SLC6A9: variants seen among roughly 807,000 people sequenced by gnomAD.
SLC6A9 encodes the protein solute carrier family 6 member 9, also known as sodium- and chloride-dependent glycine transporter 1.
In SLC6A9, 31 loss-of-function variants were observed where a neutral mutation model predicts 70.9. The observed-to-expected ratio is 0.44, with a 90% CI of 0.33 to 0.59. The LOEUF (loss-of-function observed/expected upper bound fraction) is 0.59, where lower values mean the gene tolerates loss of function less well. SLC6A9 is among the 20% of genes least tolerant of loss of function. The pLI, the probability that SLC6A9 is intolerant of heterozygous loss-of-function variation, is 0.04. For missense variants in SLC6A9, 631 were observed against 845.2 expected (o/e 0.75, Z 3.14); for synonymous variants, 310 against 341.3 (o/e 0.91, Z 1.01).
In SLC6A9 at chr1:44,018,597, AAATAATAAT is replaced by A. The variant is rs143546820; in HGVS notation, c.30+5642_30+5650del. ...CAGCAAGAGCAAAACTCTCTCTCTAAAATAATAATAATAATAATAATAATAATAATAATA... is the reference window on the plus strand; with the variant it reads ...CAGCAAGAGCAAAACTCTCTCTCTAAAATAATAATAATAATAATAATAATA... On this transcript the variant is annotated intron_variant, in intron 2 of 13. Coordinates refer to ENST00000372310, the MANE Select transcript of SLC6A9 (RefSeq NM_001024845.3). This position sits in a 1 kb window ranked among gnomAD's most constrained non-coding sequence, Gnocchi z 4.2. Among the ~76,000 whole-genome samples the A allele has an allele frequency of 0.015, 2,179 of 142,232 alleles. 21 individuals carry two copies. The highest frequency in any genetic ancestry group is 0.022 in the Non-Finnish European group (1,454 of 65,984). 93.3% of individuals were successfully genotyped at this position (142,232 alleles called of 152,430 possible).
intron 2 of SLC6A9, among the ~76,000 whole-genome samples, chr1:44,011,156 C>T (rs887755359): frequency 3.3e-5 from 5 of 152,196 alleles, no homozygotes; most frequent in Non-Finnish European, 7.4e-5. Context: ...ATCCGGGAGG[C>T]GGGACACTGA....
intron 4 of SLC6A9, among the ~76,000 whole-genome samples, chr1:44,009,745 G>A (rs1373920072): frequency 6.6e-6 from 1 of 152,222 alleles, no homozygotes; most frequent in Non-Finnish European, 1.5e-5. Context: ...GTGGCGCAAA[G>A]GAGTTTTGTG....
At position 44,002,816 on chromosome 1, in the gene SLC6A9, T is replaced by C. The variant is rs200265433; in HGVS notation, c.723+37A>G. 1.4e-4 allele frequency: 230 copies of C among 1,612,380 alleles called. No homozygotes were observed. The highest frequency in any genetic ancestry group is 1.9e-4 in the Non-Finnish European group (224 of 1,178,874). On this transcript the variant is annotated intron_variant, in intron 6 of 13. Coordinates refer to ENST00000372310, the MANE Select transcript of SLC6A9 (RefSeq NM_001024845.3). This position sits in a 1 kb window ranked among gnomAD's most constrained non-coding sequence, Gnocchi z 5.5. ...ACCCAGGTAGGGGGCAGGGTCTTTCTGGGTGGGCACAGACCCTGCTGGGGA... is the reference window on the plus strand; with the variant it reads ...ACCCAGGTAGGGGGCAGGGTCTTTCCGGGTGGGCACAGACCCTGCTGGGGA...
intron 1 of SLC6A9, among the ~76,000 whole-genome samples, chr1:44,029,483 T>C (rs568048753): frequency 6.6e-6 from 1 of 152,306 alleles, no homozygotes; most frequent in African/African-American, 2.4e-5. Context: ...CCGTTCCATG[T>C]TTTTTGAGCA....
At position 44,031,166 on chromosome 1, in the gene SLC6A9, TCACACACA is replaced by T. The variant is rs66939562; in HGVS notation, c.-86+132_-86+139del. On this transcript the variant is annotated intron_variant, in intron 1 of 13. Transcript: ENST00000372310. Reference sequence around the variant, plus strand: ...CACAGATGCCCGCATACATGCGCGATCACACACACACACACACACACACACACACACGC... The same window carrying T: ...CACAGATGCCCGCATACATGCGCGATCACACACACACACACACACACACGC... The T allele has an allele frequency of 4.8e-3, 716 of 148,158 alleles. 3 individuals carry two copies. The highest frequency in any genetic ancestry group is 0.014 in the Admixed American group (214 of 15,012). 9.2% of individuals were successfully genotyped at this position (148,158 alleles called of 1,614,324 possible).
chr1:44,000,910 C>A, intron 11 of SLC6A9, 43 bp from the exon 12 acceptor site: 4 of 1,593,864 alleles, frequency 2.5e-6, no homozygotes, highest in Admixed American at 1.7e-5. Flanking sequence ...ACAGAGTGGG[C>A]GGGCCAAGGG....
At position 44,002,838 on chromosome 1, in the gene SLC6A9, G is replaced by A; in HGVS notation, c.723+15C>T. On this transcript the variant is annotated intron_variant, in intron 6 of 13. Transcript: ENST00000372310. The surrounding 1 kb of genome is among the most constrained non-coding windows in gnomAD (Gnocchi z 5.5). ...TTCTGGGTGGGCACAGACCCTGCTG[G>A]GGAGGGGTACTTGCTTTCCCTGAAG... The A allele has an allele frequency of 6.2e-7, 1 of 1,613,908 alleles. No homozygotes were observed. The highest frequency in any genetic ancestry group is 8.5e-7 in the Non-Finnish European group (1 of 1,179,928).
chr1:44,011,142 C>A (rs1254445159), intron 2 of SLC6A9, among the ~76,000 whole-genome samples: 1 of 152,210 alleles, frequency 6.6e-6, no homozygotes, highest in African/African-American at 2.4e-5. Flanking sequence ...GAGCTGCTAC[C>A]AGCATCCGGG....
At chr1:44,027,714 G>A (rs750482312) in intron 1 of SLC6A9, among the ~76,000 whole-genome samples, 2 of 152,196 alleles carry the variant, frequency 1.3e-5, no homozygotes, top group Non-Finnish European at 2.9e-5. Flanking sequence ...GGTGGCTCAC[G>A]CCTGTAATCC....
At chr1:44,020,911 C>A (rs903616332) in intron 2 of SLC6A9, among the ~76,000 whole-genome samples, 1 of 152,214 alleles carries the variant, frequency 6.6e-6, no homozygotes, top group Non-Finnish European at 1.5e-5. Context: ...TGTTCCTGTT[C>A]ATTGTAAGGC....
chr1:44,009,814 C>T, intron 4 of SLC6A9, 151 bp downstream of exon 4: 1 of 905,858 alleles, frequency 1.1e-6, no homozygotes, highest in East Asian at 2.6e-5. Context: ...CAGCATGCAT[C>T]CATGGCTTAG....
Position 44,008,557 on chromosome 1 carries a change from A to C in SLC6A9, c.386T>G (p.Ile129Ser). The C allele has an allele frequency of 6.2e-7, 1 of 1,614,102 alleles. No individual in the cohort carries two copies. The highest frequency in any genetic ancestry group is 8.5e-7 in the Non-Finnish European group (1 of 1,180,000). Residue 129 changes from isoleucine (I) to serine (S), a missense_variant, in exon 5 of 14, where the codon ATC becomes AGC. Coordinates refer to ENST00000372310, the MANE Select transcript of SLC6A9 (RefSeq NM_001024845.3). ...GGACGAGAAGAAGTAGTAGAAGGCG[A>C]TGCAGATGACCACATTGTAGTAGAT... ...IGIYYNVVICIAFYYFFSSMT... is the reference protein window; with the variant it reads ...IGIYYNVVICSAFYYFFSSMT...
intron 3 of SLC6A9, 44 bp from the exon 4 acceptor site, chr1:44,010,140 G>T: frequency 1.9e-6 from 3 of 1,608,902 alleles, no homozygotes; most frequent in Non-Finnish European, 2.5e-6. Flanking sequence ...GGCTTGGAGG[G>T]ATCTCACCCT....
intron 1 of SLC6A9, among the ~76,000 whole-genome samples, chr1:44,030,243 G>A (rs2087076797): frequency 6.6e-6 from 1 of 152,198 alleles, no homozygotes; most frequent in East Asian, 1.9e-4. Context: ...GGAGAGAGAT[G>A]TGGGGGCACG....
chr1:44,010,188 G>A (rs546219658), intron 3 of SLC6A9, 92 bp from the exon 4 acceptor site: 34 of 1,411,576 alleles, frequency 2.4e-5, no homozygotes, highest in Middle Eastern at 1.8e-4. Flanking sequence ...AAACCTTCGC[G>A]ATTGGGTAGG....
chr1:44,020,523 T>C (rs536101701), intron 2 of SLC6A9, among the ~76,000 whole-genome samples: 1 of 151,910 alleles, frequency 6.6e-6, no homozygotes, highest in Non-Finnish European at 1.5e-5. Flanking sequence ...TCTAAGGGAG[T>C]GTTTAATGTG....
Position 43,997,812 on chromosome 1 carries a change from C to A in SLC6A9, c.1707+43G>T. The A allele has an allele frequency of 6.3e-7, 1 of 1,589,046 alleles. No homozygotes were observed. The highest frequency in any genetic ancestry group is 8.6e-7 in the Non-Finnish European group (1 of 1,164,838). ...AGCCCTTAAGCCCCTTCCAGCTGGC[C>A]CCTCCCATTTTGCCTGGCTACCCAG... On this transcript the variant is annotated intron_variant, in intron 13 of 13. Transcript: ENST00000372310. The surrounding 1 kb of genome is among the most constrained non-coding windows in gnomAD (Gnocchi z 4.4).
At chr1:44,031,188 A>ACG in intron 1 of SLC6A9, 118 bp downstream of exon 1, 1 of 152,498 alleles carries the variant, frequency 6.6e-6, no homozygotes, top group Non-Finnish European at 1.5e-5. Flanking sequence ...ACACACACAC[A>ACG]CACACACACG....
intron 2 of SLC6A9, among the ~76,000 whole-genome samples, chr1:44,012,827 C>T (rs1037490020): frequency 1.5e-4 from 23 of 152,192 alleles, no homozygotes; most frequent in East Asian, 1.9e-4. Context: ...GGGTGCCCCC[C>T]GGCCTGAGTG....
Sources: gnomAD v4.1 joint callset for allele counts (sites outside exome capture counted in the v4.1 genomes callset) on GRCh38, gnomAD v4.1.1 for gene constraint, Gnocchi (gnomAD v3.1) non-coding constraint, MANE v1.5 for transcripts, NCBI Gene and HGNC (gene_info 2026-07-23, HGNC 2026-07-21) for gene names.